The following GRB10 variants were observed in gnomAD, a reference collection of about 807,000 sequenced individuals.
The protein encoded by GRB10 is growth factor receptor bound protein 10.
In GRB10, 20 loss-of-function variants were observed where a neutral mutation model predicts 80.9. The observed-to-expected ratio is 0.25, with a 90% CI of 0.17 to 0.36. The LOEUF (loss-of-function observed/expected upper bound fraction) is 0.36. GRB10 is among the 10% of genes least tolerant of loss of function. GRB10 has a pLI of 1.00. For missense variants in GRB10, 548 were observed against 747.7 expected (o/e 0.73, Z 3.12); for synonymous variants, 291 against 291.5 (o/e 1.00, Z 0.02).
rs1320447856 is a variant in GRB10, at chr7:50,590,920, GCTGT to G, written c.*2028_*2031del. 2.0e-5 allele frequency: 3 copies of G among 152,174 alleles called. No individual in the cohort carries two copies. Among genetic ancestry groups the G allele is most frequent in the African/African-American group, 7.2e-5 (3 of 41,426 alleles). The allele number at this position is 152,174 out of a possible 1,614,324, so 9.4% of individuals were successfully genotyped here. ...TAAATATGAAATACTGCAAATACAA[GCTGT>G]CTATTGGAGAGAGGCGTGTGAGAGA... On this transcript the variant is annotated 3_prime_UTR_variant, in exon 19 of 19. Coordinates refer to ENST00000401949, the MANE Select transcript of GRB10 (RefSeq NM_001350814.2).
chr7:50,662,108 A>T (rs571310497), intron 7 of GRB10, among the ~76,000 whole-genome samples: 40 of 152,288 alleles, frequency 2.6e-4, no homozygotes, highest in Middle Eastern at 3.4e-3. Context: ...CATTACCTGC[A>T]ATGTTGTGGA....
At chr7:50,648,250 A>G (rs954321065) in intron 7 of GRB10, among the ~76,000 whole-genome samples, 3 of 152,112 alleles carry the variant, frequency 2.0e-5, no homozygotes, top group African/African-American at 7.2e-5. Context: ...AGCTGTGGAA[A>G]GGAGAGCAGC....
intron 3 of GRB10, among the ~76,000 whole-genome samples, chr7:50,738,760 A>G (rs1479694019): frequency 6.6e-6 from 1 of 152,226 alleles, no homozygotes; most frequent in Non-Finnish European, 1.5e-5. Flanking sequence ...CAGTAGATAG[A>G]TAGCAGCTTT....
chr7:50,626,326 A>G (rs976433296), intron 8 of GRB10, among the ~76,000 whole-genome samples: 1 of 152,244 alleles, frequency 6.6e-6, no homozygotes, highest in Non-Finnish European at 1.5e-5. Context: ...ACTTACAGCA[A>G]AGTGCTTCAT....
chr7:50,689,287 C>T (rs2062491546), intron 5 of GRB10, among the ~76,000 whole-genome samples: 1 of 152,186 alleles, frequency 6.6e-6, no homozygotes, highest in Admixed American at 6.5e-5. Context: ...ATTTGGTATG[C>T]AAGTAGATTA....
chr7:50,636,194 G>A (rs1360250205), intron 7 of GRB10, among the ~76,000 whole-genome samples: 1 of 151,956 alleles, frequency 6.6e-6, no homozygotes, highest in African/African-American at 2.4e-5. Context: ...GGCCAGGCTG[G>A]TCTCGAACTC....
At chr7:50,687,275 G>A (rs901599649) in intron 5 of GRB10, among the ~76,000 whole-genome samples, 2 of 152,180 alleles carry the variant, frequency 1.3e-5, no homozygotes, top group African/African-American at 4.8e-5. Context: ...TCCAGGCCCA[G>A]GAATCTATTG....
intron 7 of GRB10, among the ~76,000 whole-genome samples, chr7:50,643,737 G>A (rs1005366502): frequency 3.3e-5 from 5 of 152,084 alleles, no homozygotes; most frequent in Non-Finnish European, 7.4e-5. Context: ...AGTCTCAAAT[G>A]GTCCAAAGAA....
chr7:50,656,877 T>C (rs2058705358), intron 7 of GRB10, among the ~76,000 whole-genome samples: 1 of 152,184 alleles, frequency 6.6e-6, no homozygotes, highest in South Asian at 2.1e-4. Context: ...CTATAAAACA[T>C]CCTCAACCTT....
intron 7 of GRB10, among the ~76,000 whole-genome samples, chr7:50,636,103 A>C (rs1397807842): frequency 6.6e-6 from 1 of 150,590 alleles, no homozygotes; most frequent in Non-Finnish European, 1.5e-5. Context: ...TCAGCCTCCC[A>C]AGTGGCTGGG....
chr7:50,748,127 G>A (rs905835413), intron 3 of GRB10, among the ~76,000 whole-genome samples: 2 of 152,216 alleles, frequency 1.3e-5, no homozygotes, highest in African/African-American at 2.4e-5. Context: ...TGGGGAGGGA[G>A]TGGATCTGCT....
intron 7 of GRB10, among the ~76,000 whole-genome samples, chr7:50,635,838 C>A (rs2158920): frequency 0.45 from 63,993 of 142,642 alleles, 13,863 homozygotes; most frequent in African/African-American, 0.48. Context: ...CAGGAAGAAA[C>A]AGAAATCCTA....
intron 17 of GRB10, among the ~76,000 whole-genome samples, chr7:50,603,483 C>G (rs753872023): frequency 2.6e-5 from 4 of 152,230 alleles, no homozygotes; most frequent in Non-Finnish European, 5.9e-5. Context: ...GCCACGGCAA[C>G]AGCTCACAGC....
intron 17 of GRB10, among the ~76,000 whole-genome samples, chr7:50,596,200 T>C (rs2046615073): frequency 1.3e-5 from 2 of 152,210 alleles, no homozygotes; most frequent in Admixed American, 1.3e-4. Flanking sequence ...CATCAAAGTA[T>C]TGTACTGTTA....
At chr7:50,603,544 C>A (rs2047987430) in intron 17 of GRB10, among the ~76,000 whole-genome samples, 6 of 152,196 alleles carry the variant, frequency 3.9e-5, no homozygotes, top group Admixed American at 3.9e-4. Context: ...CCCAGCCAAG[C>A]TGGCCCAGGT....
At chr7:50,791,222 A>G (rs567439020) in intron 1 of GRB10, among the ~76,000 whole-genome samples, 11 of 152,224 alleles carry the variant, frequency 7.2e-5, no homozygotes, top group Non-Finnish European at 1.6e-4. Context: ...GACTTCATGG[A>G]TATCAAAATT....
chr7:50,792,049 A>G (rs896088439), intron 1 of GRB10, among the ~76,000 whole-genome samples: 2 of 152,160 alleles, frequency 1.3e-5, no homozygotes, highest in African/African-American at 4.8e-5. Flanking sequence ...CGCTAACAAC[A>G]TGTGTTCTTG....
chr7:50,714,104 C>A (rs1428646708), intron 4 of GRB10, among the ~76,000 whole-genome samples: 1 of 152,132 alleles, frequency 6.6e-6, no homozygotes, highest in Non-Finnish European at 1.5e-5. Flanking sequence ...CTCACCACTT[C>A]CTCCATCCCC....
chr7:50,608,956 C>A (rs995971306), intron 13 of GRB10, among the ~76,000 whole-genome samples: 3 of 110,962 alleles, frequency 2.7e-5, no homozygotes, highest in Non-Finnish European at 5.5e-5. Context: ...CAGGGTGAGA[C>A]CCTGACTCAA....
Sources: gnomAD v4.1 joint callset for allele counts (sites outside exome capture counted in the v4.1 genomes callset) on GRCh38, gnomAD v4.1.1 for gene constraint, MANE v1.5 for transcripts, NCBI Gene and HGNC (gene_info 2026-07-23, HGNC 2026-07-21) for gene names.